The following OPCML variants were observed in gnomAD, a reference collection of about 807,000 sequenced individuals.
OPCML encodes the protein opioid-binding protein/cell adhesion molecule.
In OPCML, 13 loss-of-function variants were observed where a neutral mutation model predicts 37.8. The observed-to-expected ratio is 0.34, with a 90% CI of 0.22 to 0.55. The LOEUF (loss-of-function observed/expected upper bound fraction) is 0.55. OPCML is among the 20% of genes least tolerant of loss of function. OPCML has a pLI of 0.91. For missense variants in OPCML, 341 were observed against 435.6 expected (o/e 0.78, Z 1.93); for synonymous variants, 176 against 168.8 (o/e 1.04, Z -0.33).
chr11:133,042,926 G>A (rs545307439), intron 1 of OPCML, among the ~76,000 whole-genome samples: 50 of 152,102 alleles, frequency 3.3e-4, no homozygotes, highest in African/African-American at 1.2e-3. Flanking sequence ...AGAAAATTAG[G>A]GGACGAGATT....
At chr11:132,842,344 G>T (rs980940216) in intron 2 of OPCML, among the ~76,000 whole-genome samples, 1 of 152,194 alleles carries the variant, frequency 6.6e-6, no homozygotes, top group Non-Finnish European at 1.5e-5. Context: ...AATGATATCT[G>T]TATTAACGGG....
intron 1 of OPCML, among the ~76,000 whole-genome samples, chr11:133,027,010 C>A (rs543846327): frequency 6.6e-6 from 1 of 152,258 alleles, no homozygotes; most frequent in East Asian, 1.9e-4. Context: ...CAGATGGGAA[C>A]TTAAGGTGGA....
At chr11:132,751,819 G>C (rs1283237232) in intron 2 of OPCML, among the ~76,000 whole-genome samples, 1 of 152,220 alleles carries the variant, frequency 6.6e-6, no homozygotes, top group East Asian at 1.9e-4. Context: ...GTGTGTGAAA[G>C]AAAAGTGCCA....
chr11:133,338,972 C>T (rs1185769207), intron 1 of OPCML, among the ~76,000 whole-genome samples: 1 of 152,132 alleles, frequency 6.6e-6, no homozygotes, highest in Non-Finnish European at 1.5e-5. Flanking sequence ...TGTCCCTGCC[C>T]AGGTGCAAGG....
chr11:133,399,253 C>A (rs936257668), intron 1 of OPCML, among the ~76,000 whole-genome samples: 2 of 152,118 alleles, frequency 1.3e-5, no homozygotes, highest in African/African-American at 4.8e-5. Flanking sequence ...CTCAGGCCTG[C>A]CATCTCTATT....
At chr11:133,102,400 C>T (rs1238794240) in intron 1 of OPCML, among the ~76,000 whole-genome samples, 8 of 152,148 alleles carry the variant, frequency 5.3e-5, no homozygotes, top group African/African-American at 1.4e-4. Context: ...GAATTGTTCT[C>T]AGGATGAGAC....
At chr11:132,583,302 T>C (rs941848736) in intron 3 of OPCML, among the ~76,000 whole-genome samples, 1 of 151,972 alleles carries the variant, frequency 6.6e-6, no homozygotes, top group Non-Finnish European at 1.5e-5. Flanking sequence ...TTTTTGTTTG[T>C]TTGTTTGTTT....
intron 1 of OPCML, among the ~76,000 whole-genome samples, chr11:132,985,717 G>A (rs933498460): frequency 8.5e-5 from 13 of 152,120 alleles, no homozygotes; most frequent in African/African-American, 2.4e-4. Flanking sequence ...CCCTCAAAAG[G>A]AGAGGATTAT....
chr11:132,564,269 G>A (rs999543449), intron 3 of OPCML, among the ~76,000 whole-genome samples: 7 of 152,196 alleles, frequency 4.6e-5, no homozygotes, highest in Admixed American at 6.5e-5. Context: ...AATGAAGTGC[G>A]TGAGAGACAC....
intron 4 of OPCML, among the ~76,000 whole-genome samples, chr11:132,487,501 C>T (rs1489645252): frequency 6.6e-6 from 1 of 152,212 alleles, no homozygotes; most frequent in East Asian, 1.9e-4. Flanking sequence ...TAACGGTGAG[C>T]AGCAAATGTG....
intron 3 of OPCML, among the ~76,000 whole-genome samples, chr11:132,579,966 T>C (rs1013439783): frequency 2.6e-5 from 4 of 152,202 alleles, no homozygotes; most frequent in African/African-American, 7.2e-5. Flanking sequence ...ACGCCTTCCC[T>C]GGTATGAGTT....
chr11:133,374,596 C>T (rs574826905), intron 1 of OPCML, among the ~76,000 whole-genome samples: 10 of 152,288 alleles, frequency 6.6e-5, no homozygotes, highest in East Asian at 3.9e-4. Flanking sequence ...ATTGTAATAG[C>T]TTCTCATATT....
chr11:133,303,797 G>C (rs183939962), intron 1 of OPCML, among the ~76,000 whole-genome samples: 1 of 152,132 alleles, frequency 6.6e-6, no homozygotes, highest in African/African-American at 2.4e-5. Context: ...AAAAAAAGGT[G>C]GAAGACACTG....
At chr11:132,577,870 C>T (rs2096454276) in intron 3 of OPCML, among the ~76,000 whole-genome samples, 2 of 152,068 alleles carry the variant, frequency 1.3e-5, no homozygotes, top group African/African-American at 4.8e-5. Flanking sequence ...CTATTTGATA[C>T]CAATCTTAGT....
intron 1 of OPCML, among the ~76,000 whole-genome samples, chr11:133,440,810 A>G (rs1348568959): frequency 5.3e-5 from 6 of 113,274 alleles, no homozygotes; most frequent in Admixed American, 7.9e-5. Context: ...GTGAGTGTGT[A>G]TGTGTATATA....
chr11:132,727,625 G>A (rs553800508), intron 2 of OPCML, among the ~76,000 whole-genome samples: 6 of 152,256 alleles, frequency 3.9e-5, no homozygotes, highest in Non-Finnish European at 8.8e-5. Context: ...TACTGACATC[G>A]AGTCCCATGC....
intron 1 of OPCML, among the ~76,000 whole-genome samples, chr11:133,100,628 T>C (rs975912140): frequency 4.6e-5 from 7 of 152,034 alleles, no homozygotes; most frequent in Non-Finnish European, 8.8e-5. Flanking sequence ...AATAGATCAA[T>C]AGAACAGAAT....
At chr11:132,727,642 A>G (rs556209311) in intron 2 of OPCML, among the ~76,000 whole-genome samples, 46 of 152,262 alleles carry the variant, frequency 3.0e-4, no homozygotes, top group African/African-American at 1.1e-3. Context: ...ATGCCCATCA[A>G]TTATGATTTA....
chr11:133,223,560 C>T (rs964406689), intron 1 of OPCML, among the ~76,000 whole-genome samples: 6 of 152,104 alleles, frequency 3.9e-5, no homozygotes, highest in Non-Finnish European at 7.3e-5. Flanking sequence ...CAAGAAACTG[C>T]ACCAGGGGAG....
Sources: gnomAD v4.1 joint callset for allele counts (sites outside exome capture counted in the v4.1 genomes callset) on GRCh38, gnomAD v4.1.1 for gene constraint, MANE v1.5 for transcripts, NCBI Gene and HGNC (gene_info 2026-07-23, HGNC 2026-07-21) for gene names.